Variants in CNTN4 observed in about 807,000 individuals in gnomAD.
CNTN4 encodes the protein contactin 4, also known as contactin-4.
Under a neutral mutation model 122.5 loss-of-function variants are expected in CNTN4, and 77 were observed. That is an observed-to-expected ratio of 0.63 (90% confidence interval 0.52 to 0.76). The LOEUF (loss-of-function observed/expected upper bound fraction) is 0.76. Among genes scored for constraint, CNTN4 ranks in the 30% least tolerant of loss-of-function variants. The probability of loss-of-function intolerance (pLI) is 0.00; values close to 1 mark genes in which losing one functional copy is unlikely to be tolerated. For synonymous variants in CNTN4, 512 were observed against 447.0 expected (o/e 1.15, Z -1.83); for missense variants, 1,256 against 1,259.1 (o/e 1.00, Z 0.04).
intron 3 of CNTN4, among the ~76,000 whole-genome samples, chr3:2,488,456 G>T (rs560834341): frequency 0.013 from 2,019 of 152,222 alleles, 18 homozygotes; most frequent in Non-Finnish European, 0.018. Context: ...GAGTGTTGGG[G>T]GGTGTGTGTG....
At chr3:2,731,269 T>C (rs2088659730) in intron 4 of CNTN4, among the ~76,000 whole-genome samples, 1 of 152,146 alleles carries the variant, frequency 6.6e-6, no homozygotes. Context: ...TGTTGAAGCA[T>C]GAAAGCAGAT....
chr3:2,220,173 C>T (rs2039005596), intron 2 of CNTN4, among the ~76,000 whole-genome samples: 1 of 152,132 alleles, frequency 6.6e-6, no homozygotes, highest in Non-Finnish European at 1.5e-5. Flanking sequence ...TCAAATCACA[C>T]ATTCCTGGTG....
At chr3:2,897,585 G>C (rs1314040067) in intron 10 of CNTN4, among the ~76,000 whole-genome samples, 1 of 152,144 alleles carries the variant, frequency 6.6e-6, no homozygotes, top group Non-Finnish European at 1.5e-5. Flanking sequence ...GGTTTTTTAG[G>C]ATTTTGGAAT....
At chr3:2,143,500 G>A (rs1395593173) in intron 2 of CNTN4, among the ~76,000 whole-genome samples, 3 of 152,002 alleles carry the variant, frequency 2.0e-5, no homozygotes, top group Non-Finnish European at 2.9e-5. Context: ...TACTATTCTC[G>A]ATTTAGACAT....
At position 2,340,707 on chromosome 3, in the gene CNTN4, A is replaced by AGAGAGAGAGAGGGAGAGGGAGAGG. The variant is rs1174143787; in HGVS notation, c.-89+1474_-89+1475insGAGAGAGAGAGGGAGAGGGAGAGG. Among the ~76,000 whole-genome samples, 37 of 85,368 alleles carry AGAGAGAGAGAGGGAGAGGGAGAGG rather than the reference A, an allele frequency of 4.3e-4. 1 individual carries two copies. Among genetic ancestry groups the AGAGAGAGAGAGGGAGAGGGAGAGG allele is most frequent in the African/African-American group, 1.6e-3 (37 of 23,398 alleles). 56.0% of individuals were successfully genotyped at this position (85,368 alleles called of 152,430 possible). A position where few individuals can be genotyped will look rare whatever the true frequency, so the allele number is the denominator to read the frequency against. Reference sequence around the variant, plus strand: ...ATTTTATATATATATATATATATATATATAGAGAGAGAGAGAGAGAGAGAG... The same window carrying AGAGAGAGAGAGGGAGAGGGAGAGG: ...ATTTTATATATATATATATATATATAGAGAGAGAGAGGGAGAGGGAGAGGTATAGAGAGAGAGAGAGAGAGAGAG... On this transcript the variant is annotated intron_variant, in intron 3 of 24. Coordinates refer to ENST00000418658, the MANE Select transcript of CNTN4 (RefSeq NM_175607.3).
intron 2 of CNTN4, among the ~76,000 whole-genome samples, chr3:2,180,184 C>T (rs892981216): frequency 1.3e-5 from 2 of 152,068 alleles, no homozygotes; most frequent in East Asian, 1.9e-4. Context: ...GTAAATAATA[C>T]ATCTAGCCTA....
Position 2,661,431 on chromosome 3 carries a change from CA to C in CNTN4, c.56-74780del, listed in dbSNP as rs56702100. Among the ~76,000 whole-genome samples, 1,136 of 151,918 alleles carry C rather than the reference CA, an allele frequency of 7.5e-3. 9 individuals carry two copies. Among genetic ancestry groups the C allele is most frequent in the African/African-American group, 0.026 (1,072 of 41,414 alleles). ...TATATTAGTCAAGATCAGCTTTTTC[CA>C]AAACATGCTCGATGGATCACTCCCT... On this transcript the variant is annotated intron_variant, in intron 4 of 24. Coordinates refer to ENST00000418658, the MANE Select transcript of CNTN4 (RefSeq NM_175607.3).
intron 2 of CNTN4, among the ~76,000 whole-genome samples, chr3:2,203,794 T>G (rs1055404694): frequency 6.6e-6 from 1 of 152,118 alleles, no homozygotes; most frequent in Non-Finnish European, 1.5e-5. Flanking sequence ...GCCCAACTAA[T>G]GCTGTATGAT....
intron 3 of CNTN4, among the ~76,000 whole-genome samples, chr3:2,348,601 T>A (rs77810336): frequency 0.13 from 19,386 of 152,264 alleles, 1,537 homozygotes; most frequent in Non-Finnish European, 0.18. Flanking sequence ...CTTGATAGAT[T>A]TTTTTAAATT....
At chr3:2,331,908 T>C (rs775490259) in intron 2 of CNTN4, among the ~76,000 whole-genome samples, 1 of 152,182 alleles carries the variant, frequency 6.6e-6, no homozygotes. Flanking sequence ...GGAGTTATCT[T>C]GTCTAGCCCA....
At chr3:2,815,991 T>C (rs2150195532) in intron 6 of CNTN4, among the ~76,000 whole-genome samples, 1 of 151,810 alleles carries the variant, frequency 6.6e-6, no homozygotes, top group Middle Eastern at 3.4e-3. Context: ...AACTCAGGAA[T>C]GGAAAACCAA....
chr3:2,120,405 A>ATTTTTTT (rs57112843), intron 2 of CNTN4, among the ~76,000 whole-genome samples: 2 of 40,864 alleles, frequency 4.9e-5, no homozygotes, highest in African/African-American at 2.2e-4. Context: ...ATATATATAT[A>ATTTTTTT]TTTTTTTTTT....
intron 14 of CNTN4, among the ~76,000 whole-genome samples, chr3:3,012,562 G>C (rs903780904): frequency 6.6e-6 from 1 of 151,976 alleles, no homozygotes; most frequent in East Asian, 2.0e-4. Context: ...CAGTTCTCCT[G>C]CCTCAACCTC....
chr3:2,782,538 GT>G (rs1415779708), intron 6 of CNTN4, among the ~76,000 whole-genome samples: 1 of 147,724 alleles, frequency 6.8e-6, no homozygotes, highest in Admixed American at 6.8e-5. Flanking sequence ...GGAAACCACA[GT>G]TTCTAAATGG....
chr3:2,366,978 G>T (rs1418739243), intron 3 of CNTN4, among the ~76,000 whole-genome samples: 1 of 151,954 alleles, frequency 6.6e-6, no homozygotes, highest in Non-Finnish European at 1.5e-5. Context: ...AAATATTAAG[G>T]ATATATGTAC....
At chr3:2,462,045 G>A (rs1335838851) in intron 3 of CNTN4, among the ~76,000 whole-genome samples, 2 of 152,170 alleles carry the variant, frequency 1.3e-5, no homozygotes, top group African/African-American at 4.8e-5. Context: ...ATATAATCTA[G>A]TGGACAGAGG....
chr3:2,918,934 T>C (rs9816629), intron 12 of CNTN4, among the ~76,000 whole-genome samples: 84,925 of 151,866 alleles, frequency 0.56, 23,756 homozygotes, highest in East Asian at 0.69. Context: ...GAATCCCTGA[T>C]TTCTTTCCTG....
intron 2 of CNTN4, among the ~76,000 whole-genome samples, chr3:2,291,516 A>G (rs1395173817): frequency 2.0e-5 from 3 of 152,088 alleles, no homozygotes; most frequent in Non-Finnish European, 4.4e-5. Flanking sequence ...TTTAATTATG[A>G]TATTATGATT....
intron 2 of CNTN4, among the ~76,000 whole-genome samples, chr3:2,139,852 C>T (rs867545128): frequency 1.3e-5 from 2 of 152,228 alleles, no homozygotes; most frequent in Admixed American, 6.5e-5. Flanking sequence ...ATGTGTGCAT[C>T]TTTTCCTACC....
Sources: allele counts gnomAD v4.1 joint callset (sites outside exome capture counted in the v4.1 genomes callset), GRCh38; gene constraint gnomAD v4.1.1; transcripts MANE v1.5; gene names NCBI Gene and HGNC (gene_info 2026-07-23, HGNC 2026-07-21).